Variants in GNAQ observed in about 807,000 individuals in gnomAD.
GNAQ encodes the protein guanine nucleotide-binding protein G(q) subunit alpha.
In GNAQ, 8 loss-of-function variants were observed where a neutral mutation model predicts 43.9. The ratio of observed to expected loss-of-function variants is 0.18; its 90% CI spans 0.11 to 0.33. GNAQ has a LOEUF of 0.33. Ranked by LOEUF, GNAQ falls within the 10% of genes least tolerant of loss-of-function variation. The pLI is 1.00. For synonymous variants in GNAQ, 155 were observed against 170.7 expected (o/e 0.91, Z 0.71); for missense variants, 158 against 450.8 (o/e 0.35, Z 5.88).
intron 1 of GNAQ, among the ~76,000 whole-genome samples, chr9:77,934,750 T>C (rs1171762490): frequency 2.6e-5 from 4 of 152,238 alleles, no homozygotes; most frequent in African/African-American, 9.6e-5. Flanking sequence ...CAAAAGTTAC[T>C]GAATCTGCAC....
Position 77,724,898 on chromosome 9 carries a change from C to T in GNAQ, c.890-3385G>A, listed in dbSNP as rs1825374138. Among the ~76,000 whole-genome samples the T allele has an allele frequency of 1.3e-5, 2 of 151,676 alleles. 1 individual carries two copies. The highest frequency in any genetic ancestry group is 1.3e-4 in the Admixed American group (2 of 15,220). ...AGCAAATATATATATAATTAATGTT[C>T]CATCTTTTTCAATGTACTATTAACT... On this transcript the variant is annotated intron_variant, in intron 6 of 6. Transcript: ENST00000286548.
Position 77,716,557 on chromosome 9 carries a change from T to C in GNAQ, c.*4766A>G, listed in dbSNP as rs1825230194. 1 of 232,780 alleles carries C rather than the reference T, an allele frequency of 4.3e-6. No homozygotes were observed. The highest frequency in any genetic ancestry group is 8.5e-6 in the Non-Finnish European group (1 of 117,852). 14.4% of individuals were successfully genotyped at this position (232,780 alleles called of 1,614,324 possible). A position where few individuals can be genotyped will look rare whatever the true frequency, so the allele number is the denominator to read the frequency against. ...TAGAGAGTTCTTTGAGGAAAAGAAA[T>C]CCACCAAAAACGTGTTTCAGTCAAA... On this transcript the variant is annotated 3_prime_UTR_variant, in exon 7 of 7. Coordinates refer to ENST00000286548, the MANE Select transcript of GNAQ (RefSeq NM_002072.5).
At chr9:77,723,155 C>A (rs1214806457) in intron 6 of GNAQ, among the ~76,000 whole-genome samples, 2 of 152,174 alleles carry the variant, frequency 1.3e-5, no homozygotes, top group African/African-American at 4.8e-5. Flanking sequence ...GGAAAAGATG[C>A]TCAATAATGG....
chr9:77,969,325 TCAATTTAAGAATTTTTGCTGGACTGAA>T (rs1823207834), intron 1 of GNAQ, among the ~76,000 whole-genome samples: 1 of 152,192 alleles, frequency 6.6e-6, no homozygotes, highest in South Asian at 2.1e-4. Context: ...CCCTAAAGCA[TCAATTTAAGAATTTTTGCTGGACTGAA>T]AGTTAATGCA....
At chr9:77,837,844 TA>T (rs887987005) in intron 2 of GNAQ, among the ~76,000 whole-genome samples, 13 of 121,760 alleles carry the variant, frequency 1.1e-4, no homozygotes, top group African/African-American at 4.1e-4. Flanking sequence ...CTGAGTGATT[TA>T]AATTTTTTTT....
At chr9:77,730,606 C>A (rs1825473243) in intron 5 of GNAQ, among the ~76,000 whole-genome samples, 1 of 152,140 alleles carries the variant, frequency 6.6e-6, no homozygotes, top group Non-Finnish European at 1.5e-5. Flanking sequence ...CCAACAATTG[C>A]ATAGATAATT....
In GNAQ at chr9:77,973,769, G is replaced by A. The variant is rs150856193; in HGVS notation, c.137-51424C>T. Among the ~76,000 whole-genome samples, 695 of 152,282 alleles carry A rather than the reference G, an allele frequency of 4.6e-3. 7 individuals are homozygous for A. Among genetic ancestry groups the A allele is most frequent in the African/African-American group, 0.016 (673 of 41,560 alleles). On this transcript the variant is annotated intron_variant, in intron 1 of 6. Transcript: ENST00000286548. The stretch of plus-strand genomic sequence containing the variant: ...GGAGGCACAGGCTGCAGTGAGCTGA[G>A]ATTGTGCCACTGCACTCCAGCCTGG...
chr9:77,952,206 T>A (rs985431917), intron 1 of GNAQ, among the ~76,000 whole-genome samples: 5 of 152,334 alleles, frequency 3.3e-5, no homozygotes, highest in Admixed American at 2.6e-4. Flanking sequence ...AAGCAGGAAA[T>A]ATACTCAGTT....
chr9:77,790,268 G>GC (rs1826546070), intron 5 of GNAQ, among the ~76,000 whole-genome samples: 1 of 152,074 alleles, frequency 6.6e-6, no homozygotes, highest in Admixed American at 6.6e-5. Flanking sequence ...TGCGATTTGA[G>GC]TTTTTTTCTC....
chr9:77,827,133 T>C (rs977609701), intron 2 of GNAQ, among the ~76,000 whole-genome samples: 2 of 151,930 alleles, frequency 1.3e-5, no homozygotes, highest in Non-Finnish European at 2.9e-5. Flanking sequence ...GGTTTTTTTT[T>C]CTCTCTAGAA....
At chr9:77,816,396 C>T (rs1477314026) in intron 2 of GNAQ, among the ~76,000 whole-genome samples, 6 of 152,094 alleles carry the variant, frequency 3.9e-5, no homozygotes, top group African/African-American at 1.4e-4. Context: ...ATCTATATTA[C>T]CAGATTGAGT....
intron 3 of GNAQ, among the ~76,000 whole-genome samples, chr9:77,809,295 T>C (rs550206412): frequency 6.6e-6 from 1 of 152,334 alleles, no homozygotes; most frequent in Admixed American, 6.5e-5. Context: ...ATTTGGTCTC[T>C]TAAGGCAAAC....
intron 2 of GNAQ, among the ~76,000 whole-genome samples, chr9:77,844,989 T>A (rs1408739941): frequency 6.6e-6 from 1 of 152,240 alleles, no homozygotes; most frequent in Non-Finnish European, 1.5e-5. Context: ...GAAATCTTTT[T>A]AAAAACTATC....
At chr9:77,741,261 A>G (rs1184011037) in intron 5 of GNAQ, among the ~76,000 whole-genome samples, 2 of 152,206 alleles carry the variant, frequency 1.3e-5, no homozygotes, top group Non-Finnish European at 2.9e-5. Flanking sequence ...GAAGGTAAAT[A>G]ATTATCACAG....
At chr9:77,961,901 T>C (rs1385288597) in intron 1 of GNAQ, among the ~76,000 whole-genome samples, 2 of 152,204 alleles carry the variant, frequency 1.3e-5, no homozygotes, top group East Asian at 3.8e-4. Context: ...AAGGATGTTT[T>C]TTAAAAAGCA....
chr9:77,782,528 T>G (rs1336236114), intron 5 of GNAQ, among the ~76,000 whole-genome samples: 1 of 152,176 alleles, frequency 6.6e-6, no homozygotes, highest in East Asian at 1.9e-4. Flanking sequence ...GCAGTAGAAC[T>G]CTCATTCATC....
In GNAQ at chr9:77,775,913, C is replaced by T. The variant is rs147021985; in HGVS notation, c.735+18550G>A. On this transcript the variant is annotated intron_variant, in intron 5 of 6. Coordinates refer to ENST00000286548, the MANE Select transcript of GNAQ (RefSeq NM_002072.5). Reference sequence around the variant, plus strand: ...GCACTCCAACCTGGGTGACAGAGCACGACTCTGTATCAAACAAATAAAAAA... The same window carrying T: ...GCACTCCAACCTGGGTGACAGAGCATGACTCTGTATCAAACAAATAAAAAA... 1.9e-3 allele frequency among the ~76,000 whole-genome samples: 287 copies of T among 151,570 alleles called. 2 individuals carry two copies. The highest frequency in any genetic ancestry group is 6.2e-3 in the African/African-American group (254 of 41,282).
Position 77,720,767 on chromosome 9 carries a change from C to T in GNAQ, c.*556G>A, listed in dbSNP as rs180831863. 217 of 233,414 alleles carry T rather than the reference C, an allele frequency of 9.3e-4. No individual in the cohort carries two copies. The highest frequency in any genetic ancestry group is 4.4e-3 in the African/African-American group (200 of 45,422). 14.5% of individuals were successfully genotyped at this position (233,414 alleles called of 1,614,324 possible). A position where few individuals can be genotyped will look rare whatever the true frequency, so the allele number is the denominator to read the frequency against. On this transcript the variant is annotated 3_prime_UTR_variant, in exon 7 of 7. Coordinates refer to ENST00000286548, the MANE Select transcript of GNAQ (RefSeq NM_002072.5). Reference sequence around the variant, plus strand: ...GTATCCAAAGCAACACATTTAAAACCGTAAGTATTAATACATATAATCCTT... The same window carrying T: ...GTATCCAAAGCAACACATTTAAAACTGTAAGTATTAATACATATAATCCTT...
At chr9:77,962,122 A>T (rs1434926378) in intron 1 of GNAQ, among the ~76,000 whole-genome samples, 1 of 152,200 alleles carries the variant, frequency 6.6e-6, no homozygotes, top group Non-Finnish European at 1.5e-5. Flanking sequence ...GAAATTATCA[A>T]AAATGAAGCA....
Sources: gnomAD v4.1 joint callset for allele counts (sites outside exome capture counted in the v4.1 genomes callset) on GRCh38, gnomAD v4.1.1 for gene constraint, MANE v1.5 for transcripts, NCBI Gene and HGNC (gene_info 2026-07-23, HGNC 2026-07-21) for gene names.